Variants in YAE1 observed in about 807,000 individuals in gnomAD.
YAE1 encodes the protein protein YAE1 homolog.
A neutral mutation model predicts 23.0 loss-of-function variants in YAE1; 22 were observed. That is an observed-to-expected ratio of 0.96 (90% CI 0.68 to 1.37). The LOEUF is 1.37. Ranked by LOEUF, YAE1 falls within the 40% of genes most tolerant of loss-of-function variation. YAE1 has a pLI of 0.00. For missense variants in YAE1, 260 were observed against 262.1 expected, an observed-to-expected ratio of 0.99 and a Z score of 0.06; for synonymous variants, 101 against 97.0, an observed-to-expected ratio of 1.04 and a Z score of -0.24.
downstream of YAE1, among the ~76,000 whole-genome samples, chr7:39,576,003 G>A (rs1790653301): frequency 6.6e-6 from 1 of 152,134 alleles, no homozygotes; most frequent in African/African-American, 2.4e-5. Flanking sequence ...TCTGACTGCT[G>A]CTTAGATGTA....
At chr7:39,610,963 C>T (rs1319819496), downstream of YAE1, among the ~76,000 whole-genome samples, 5 of 151,930 alleles carry the variant, frequency 3.3e-5, no homozygotes, top group African/African-American at 1.2e-4. Flanking sequence ...GCCTGGCCAA[C>T]GTGGAGAAAC....
At chr7:39,602,915 AT>A (rs1198138111) in intron 2 of YAE1, among the ~76,000 whole-genome samples, 1 of 151,888 alleles carries the variant, frequency 6.6e-6, no homozygotes, top group African/African-American at 2.4e-5. Flanking sequence ...CACCTGGCTA[AT>A]TTTTGTATTT....
chr7:39,574,046 G>A (rs1790615585), downstream of YAE1, among the ~76,000 whole-genome samples: 1 of 152,140 alleles, frequency 6.6e-6, no homozygotes. Context: ...TAATGTTGCT[G>A]TGCCGTGCAT....
intron 1 of YAE1, among the ~76,000 whole-genome samples, chr7:39,567,247 A>G (rs1383885674): frequency 6.6e-6 from 1 of 152,168 alleles, no homozygotes; most frequent in Admixed American, 6.5e-5. Flanking sequence ...GCCCTGTTTA[A>G]TATTTCAGTA....
intron 2 of YAE1, among the ~76,000 whole-genome samples, chr7:39,582,737 G>T (rs1790763552): frequency 6.6e-6 from 1 of 152,190 alleles, no homozygotes; most frequent in Non-Finnish European, 1.5e-5. Context: ...CAGAGACCTT[G>T]CCTCTTTAGT....
chr7:39,566,775 C>T (rs1159232475), intron 1 of YAE1: 1 of 501,116 alleles, frequency 2.0e-6, no homozygotes, highest in East Asian at 4.1e-5. Flanking sequence ...AAACTGAGGA[C>T]CGACCAAAAT....
In YAE1 at chr7:39,570,551, C is replaced by G. The variant is rs747662467; in HGVS notation, c.175C>G (p.Gln59Glu). ...GIDAGKAVTL[Q>E]QGFNQGYKKG... ...AGATGCTGGCAAAGCAGTTACTCTT[C>G]AACAGGGCTTCAATCAAGGTTATAA... The change falls in exon 2 of 3, where the codon CAA becomes GAA. Residue 59 changes from glutamine to glutamate, a missense_variant. Coordinates refer to ENST00000223273, the MANE Select transcript of YAE1 (RefSeq NM_020192.5). 6.2e-7 allele frequency: 1 copy of G among 1,611,700 alleles called. No homozygotes were observed. The highest frequency in any genetic ancestry group is 8.5e-7 in the Non-Finnish European group (1 of 1,179,596).
intron 2 of YAE1, among the ~76,000 whole-genome samples, chr7:39,601,225 G>T (rs1791051199): frequency 3.9e-5 from 6 of 152,180 alleles, no homozygotes; most frequent in Admixed American, 3.9e-4. Context: ...TCTGTGCCAG[G>T]AACATGCTTA....
rs2329458 is a variant in YAE1, at chr7:39,597,416, A to T, written c.252-12201A>T. Among the ~76,000 whole-genome samples, 1,245 of 152,218 alleles carry T rather than the reference A, an allele frequency of 8.2e-3. 20 individuals carry two copies. Among genetic ancestry groups the T allele is most frequent in the African/African-American group, 0.027 (1,123 of 41,540 alleles). ...GAGATTCCATCTCTATTAAAAAAAA[A>T]TTTTTTTAAGAGGAGTTGGAATGTA... On this transcript the variant is annotated intron_variant, in intron 2 of 2. Coordinates refer to the YAE1 transcript ENST00000432096.
At chr7:39,567,150 C>T (rs1562587753) in intron 1 of YAE1, 1 of 152,210 alleles carries the variant, frequency 6.6e-6, no homozygotes, top group Admixed American at 6.5e-5. Flanking sequence ...TACAGTATTT[C>T]TGGGTGAGGA....
chr7:39,572,154 A>G lies in YAE1; in HGVS notation c.252-123A>G, dbSNP rs150261355. 1.2e-5 allele frequency: 12 copies of G among 1,019,606 alleles called. No individual in the cohort carries two copies. The East Asian group carries it at 2.6e-4, about 22-fold the overall frequency. The allele number at this position is 1,019,606 out of a possible 1,614,324, so 63.2% of individuals were successfully genotyped here. A position where few individuals can be genotyped will look rare whatever the true frequency, so the allele number is the denominator to read the frequency against. The stretch of plus-strand genomic sequence containing the variant: ...GGAAAAGCGTATATAGAGTTATGAA[A>G]GAGGGGTTATGAATTATAAACAGTT... On this transcript the variant is annotated intron_variant, in intron 2 of 2. Coordinates refer to ENST00000223273, the MANE Select transcript of YAE1 (RefSeq NM_020192.5).
chr7:39,588,565 A>G (rs1171729573), intron 2 of YAE1, among the ~76,000 whole-genome samples: 2 of 151,838 alleles, frequency 1.3e-5, no homozygotes, highest in African/African-American at 4.8e-5. Context: ...CACACTGCAC[A>G]GTAGTCGCAG....
intron 2 of YAE1, among the ~76,000 whole-genome samples, chr7:39,583,908 G>C (rs1054346271): frequency 1.3e-5 from 2 of 152,160 alleles, no homozygotes; most frequent in African/African-American, 4.8e-5. Context: ...GGAGCACTTA[G>C]GACACTGCCT....
At chr7:39,575,361 G>T (rs1400326255), downstream of YAE1, among the ~76,000 whole-genome samples, 1 of 152,156 alleles carries the variant, frequency 6.6e-6, no homozygotes, top group African/African-American at 2.4e-5. Flanking sequence ...AAGGGAGTGG[G>T]CAGCTGAATG....
intron 2 of YAE1, among the ~76,000 whole-genome samples, chr7:39,591,744 T>C (rs1344017253): frequency 1.3e-5 from 2 of 151,834 alleles, no homozygotes; most frequent in Non-Finnish European, 2.9e-5. Context: ...TCTATAGGTT[T>C]TGACAAATGT....
intron 1 of YAE1, chr7:39,569,824 A>G: frequency 2.5e-6 from 2 of 798,276 alleles, no homozygotes; most frequent in South Asian, 2.7e-5. Flanking sequence ...TCACTTATAA[A>G]GTTTATGAAG....
intron 2 of YAE1, among the ~76,000 whole-genome samples, chr7:39,603,181 G>A (rs1248648154): frequency 3.3e-5 from 5 of 151,476 alleles, no homozygotes; most frequent in African/African-American, 7.3e-5. Context: ...ACGGAGTCTC[G>A]CTCTGTCACC....
rs189236935 is a variant in YAE1, at chr7:39,599,066, C to G, written c.252-10551C>G. Among the ~76,000 whole-genome samples, 24 of 151,874 alleles carry G rather than the reference C, an allele frequency of 1.6e-4. 1 individual carries two copies. The East Asian group carries it at 4.7e-3, about 30-fold the overall frequency. ...ACCAGCCTGGCCAACATGGTGAAAC[C>G]CCGTCTCTACTAAAAATACAAAAAC... On this transcript the variant is annotated intron_variant, in intron 2 of 2. Coordinates refer to the YAE1 transcript ENST00000432096.
downstream of YAE1, among the ~76,000 whole-genome samples, chr7:39,575,567 AG>A (rs1562590526): frequency 3.9e-5 from 4 of 103,012 alleles, no homozygotes; most frequent in African/African-American, 2.0e-4. Flanking sequence ...AGAGAGAGAG[AG>A]AGAGAGAGAG....
Sources: allele counts gnomAD v4.1 joint callset (sites outside exome capture counted in the v4.1 genomes callset), GRCh38; gene constraint gnomAD v4.1.1; transcripts MANE v1.5; gene names NCBI Gene and HGNC (gene_info 2026-07-23, HGNC 2026-07-21).